Variants in ROBO1 observed in about 807,000 individuals in gnomAD.
The protein encoded by ROBO1 is roundabout guidance receptor 1.
In ROBO1, 149 loss-of-function variants were observed where a neutral mutation model predicts 195.9. That is an observed-to-expected ratio of 0.76 (90% CI 0.67 to 0.87). The LOEUF is 0.87. Among genes scored for constraint, ROBO1 ranks in the 40% least tolerant of loss-of-function variants. The pLI is 0.00. For missense variants in ROBO1, 1,933 were observed against 2,068.3 expected (o/e 0.93, Z 1.27); for synonymous variants, 816 against 733.2 (o/e 1.11, Z -1.82).
At chr3:79,269,990 G>GTTTACT in intron 2 of ROBO1, among the ~76,000 whole-genome samples, 1 of 151,776 alleles carries the variant, frequency 6.6e-6, no homozygotes. Context: ...ATCACTTGCA[G>GTTTACT]TAAAGATGGT....
At chr3:79,274,758 G>A (rs1324647883) in intron 2 of ROBO1, among the ~76,000 whole-genome samples, 3 of 151,830 alleles carry the variant, frequency 2.0e-5, no homozygotes, top group African/African-American at 7.2e-5. Context: ...AAGAAAAAAA[G>A]GGGTAAGACC....
intron 1 of ROBO1, among the ~76,000 whole-genome samples, chr3:79,721,533 G>A (rs779348527): frequency 1.3e-5 from 2 of 152,120 alleles, no homozygotes; most frequent in Non-Finnish European, 1.5e-5. Flanking sequence ...ACAAAAATCC[G>A]TATGGTTAGC....
intron 3 of ROBO1, among the ~76,000 whole-genome samples, chr3:78,961,253 A>C (rs2041332084): frequency 6.6e-6 from 1 of 152,188 alleles, no homozygotes; most frequent in African/African-American, 2.4e-5. Flanking sequence ...CATACAAAAA[A>C]AATTTGAAAA....
At chr3:78,838,060 A>C (rs113701609) in intron 4 of ROBO1, among the ~76,000 whole-genome samples, 381 of 152,346 alleles carry the variant, frequency 2.5e-3, no homozygotes, top group African/African-American at 8.4e-3. Flanking sequence ...TATTAGTAAT[A>C]GTACTGAATA....
chr3:78,887,307 G>T (rs982374640), intron 4 of ROBO1, among the ~76,000 whole-genome samples: 2 of 152,172 alleles, frequency 1.3e-5, no homozygotes, highest in African/African-American at 4.8e-5. Context: ...AAAAAGGGCT[G>T]TTGAGAGGAC....
intron 1 of ROBO1, among the ~76,000 whole-genome samples, chr3:79,645,513 A>G (rs1173009887): frequency 3.3e-5 from 5 of 152,004 alleles, no homozygotes; most frequent in Non-Finnish European, 7.4e-5. Flanking sequence ...AAAATAAATA[A>G]ATAAATAATT....
At chr3:78,974,427 T>C (rs1233752253) in intron 3 of ROBO1, among the ~76,000 whole-genome samples, 3 of 152,154 alleles carry the variant, frequency 2.0e-5, no homozygotes, top group Non-Finnish European at 4.4e-5. Context: ...GTGGATTCTT[T>C]AGACAGATGG....
chr3:79,420,532 T>C (rs1473780029), intron 2 of ROBO1, among the ~76,000 whole-genome samples: 3 of 152,184 alleles, frequency 2.0e-5, no homozygotes, highest in African/African-American at 7.2e-5. Flanking sequence ...TTTGCAAAGA[T>C]GACTGCAAAA....
intron 8 of ROBO1, among the ~76,000 whole-genome samples, chr3:78,692,656 G>A (rs1379287601): frequency 6.6e-6 from 1 of 152,128 alleles, no homozygotes; most frequent in Non-Finnish European, 1.5e-5. Flanking sequence ...GCATATTCAT[G>A]TACAATTATC....
intron 1 of ROBO1, among the ~76,000 whole-genome samples, chr3:79,735,334 T>A (rs1208002078): frequency 6.6e-6 from 1 of 152,216 alleles, no homozygotes; most frequent in Non-Finnish European, 1.5e-5. Flanking sequence ...TATCTATGCA[T>A]ATGATTCATT....
intron 21 of ROBO1, among the ~76,000 whole-genome samples, chr3:78,645,421 T>G (rs1706215928): frequency 6.7e-6 from 1 of 149,080 alleles, no homozygotes; most frequent in African/African-American, 2.5e-5. Flanking sequence ...TTTTTTTTTT[T>G]ACACTGTAAG....
chr3:79,506,396 GT>G (rs1940397620), intron 2 of ROBO1, among the ~76,000 whole-genome samples: 2 of 151,954 alleles, frequency 1.3e-5, no homozygotes, highest in South Asian at 4.1e-4. Flanking sequence ...AACAGAAAAA[GT>G]TACTCATCAG....
intron 2 of ROBO1, among the ~76,000 whole-genome samples, chr3:79,495,967 C>A (rs866019740): frequency 1.4e-4 from 21 of 152,184 alleles, no homozygotes; most frequent in Admixed American, 2.0e-4. Flanking sequence ...AATACCAGCA[C>A]TTTGGGAGGC....
intron 9 of ROBO1, among the ~76,000 whole-genome samples, chr3:78,686,554 CAAA>C (rs11356574): frequency 5.6e-4 from 74 of 132,212 alleles, no homozygotes; most frequent in African/African-American, 5.9e-4. Flanking sequence ...GACTTTGTCT[CAAA>C]AAAAAAAAAA....
intron 2 of ROBO1, among the ~76,000 whole-genome samples, chr3:79,340,710 G>T (rs1267083811): frequency 4.6e-5 from 7 of 152,056 alleles, no homozygotes; most frequent in Non-Finnish European, 8.8e-5. Flanking sequence ...ATTTTTGTTT[G>T]TTTTGTTTTA....
At chr3:79,732,333 T>C in intron 1 of ROBO1, among the ~76,000 whole-genome samples, 1 of 151,742 alleles carries the variant, frequency 6.6e-6, no homozygotes, top group East Asian at 1.9e-4. Flanking sequence ...ATATCACATA[T>C]AAAATTTACA....
At chr3:79,557,743 A>AAAAAAAAAAAAATATATATATATATAT (rs1472319919) in intron 2 of ROBO1, among the ~76,000 whole-genome samples, 2 of 130,834 alleles carry the variant, frequency 1.5e-5, no homozygotes, top group African/African-American at 6.1e-5. Context: ...AACAAAAAAA[A>AAAAAAAAAAAAATATATATATATATAT]ATATATATAT....
At chr3:79,545,694 G>A (rs1942238448) in intron 2 of ROBO1, among the ~76,000 whole-genome samples, 1 of 150,086 alleles carries the variant, frequency 6.7e-6, no homozygotes, top group Admixed American at 6.7e-5. Flanking sequence ...ATTCGAGATG[G>A]TAGGTAGGTT....
At chr3:79,718,004 A>G (rs1702556630) in intron 1 of ROBO1, among the ~76,000 whole-genome samples, 1 of 152,036 alleles carries the variant, frequency 6.6e-6, no homozygotes, top group South Asian at 2.1e-4. Context: ...GAAAGAGGCA[A>G]AGGAACAAAG....
Sources: gnomAD v4.1 joint callset for allele counts (sites outside exome capture counted in the v4.1 genomes callset) on GRCh38, gnomAD v4.1.1 for gene constraint, MANE v1.5 for transcripts, NCBI Gene and HGNC (gene_info 2026-07-23, HGNC 2026-07-21) for gene names.